Variants in GALNT17 observed in about 807,000 individuals in gnomAD.
GALNT17 encodes polypeptide N-acetylgalactosaminyltransferase 17.
In GALNT17, 29 loss-of-function variants were observed where a neutral mutation model predicts 63.7. The ratio of observed to expected loss-of-function variants is 0.46; its 90% CI spans 0.34 to 0.62. The LOEUF (loss-of-function observed/expected upper bound fraction) is 0.62, where lower values mean the gene tolerates loss of function less well. GALNT17 is among the 20% of genes least tolerant of loss of function. The pLI is 0.01. For missense variants in GALNT17, 603 were observed against 799.6 expected (o/e 0.75, Z 2.97); for synonymous variants, 305 against 318.3 (o/e 0.96, Z 0.45).
At chr7:71,225,184 G>T (rs1015809259) in intron 1 of GALNT17, among the ~76,000 whole-genome samples, 54 of 152,046 alleles carry the variant, frequency 3.6e-4, no homozygotes, top group Non-Finnish European at 4.0e-4. Flanking sequence ...GGCCAGGCTG[G>T]TCTTGAACTC....
intron 1 of GALNT17, among the ~76,000 whole-genome samples, chr7:71,193,445 C>T (rs993173617): frequency 1.4e-5 from 2 of 141,776 alleles, no homozygotes; most frequent in Non-Finnish European, 1.5e-5. Flanking sequence ...TACACTGATA[C>T]GCTTTTGTCT....
At chr7:71,172,778 A>G (rs1434385621) in intron 1 of GALNT17, among the ~76,000 whole-genome samples, 3 of 152,200 alleles carry the variant, frequency 2.0e-5, no homozygotes, top group Non-Finnish European at 4.4e-5. Flanking sequence ...TTCTTAATAA[A>G]TGAAGTAATC....
At position 71,416,645 on chromosome 7, in the gene GALNT17, A is replaced by G. The variant is rs1793531324; in HGVS notation, c.764+582A>G. 3.3e-5 allele frequency among the ~76,000 whole-genome samples: 5 copies of G among 152,188 alleles called. No individual in the cohort carries two copies. The South Asian group carries it at 8.3e-4, about 25-fold the overall frequency. On this transcript the variant is annotated intron_variant, in intron 4 of 10. Coordinates refer to ENST00000333538, the MANE Select transcript of GALNT17 (RefSeq NM_022479.3). ...AAGAAAAAAAGAAAACGGTGTATCA[A>G]TTAGATAAAACTCAACAGAATCCTT...
intron 2 of GALNT17, among the ~76,000 whole-genome samples, chr7:71,372,740 C>T (rs1308240609): frequency 6.6e-6 from 1 of 152,210 alleles, no homozygotes; most frequent in Non-Finnish European, 1.5e-5. Context: ...TAGATGTGAG[C>T]CACTGCCCCC....
intron 6 of GALNT17, among the ~76,000 whole-genome samples, chr7:71,654,169 C>A (rs1790793438): frequency 1.3e-5 from 2 of 152,128 alleles, no homozygotes; most frequent in African/African-American, 4.8e-5. Flanking sequence ...GCACCTGCCA[C>A]CACGCCCAGC....
chr7:71,268,773 A>G (rs1273615696), intron 1 of GALNT17, among the ~76,000 whole-genome samples: 1 of 151,902 alleles, frequency 6.6e-6, no homozygotes, highest in Admixed American at 6.6e-5. Context: ...CTGGACTTGG[A>G]GGAGCCTCGG....
At chr7:71,334,672 C>T (rs1208463580) in intron 1 of GALNT17, among the ~76,000 whole-genome samples, 1 of 152,208 alleles carries the variant, frequency 6.6e-6, no homozygotes, top group Admixed American at 6.5e-5. Flanking sequence ...CTTGCAATTG[C>T]TCAGTGAGGC....
At chr7:71,355,394 ATTT>A (rs1451571116) in intron 2 of GALNT17, among the ~76,000 whole-genome samples, 1 of 152,154 alleles carries the variant, frequency 6.6e-6, no homozygotes, top group Non-Finnish European at 1.5e-5. Flanking sequence ...CATTACCATT[ATTT>A]TTTAGAAATG....
chr7:71,506,258 TTTTA>T (rs1788267047), intron 5 of GALNT17, among the ~76,000 whole-genome samples: 1 of 144,386 alleles, frequency 6.9e-6, no homozygotes, highest in South Asian at 2.2e-4. Context: ...TTTTATTTTA[TTTTA>T]TTTTATTTTA....
chr7:71,150,628 AGCCTCCCGAGCAGCTGGGACTACAGGT>A (rs1314484562), intron 1 of GALNT17, among the ~76,000 whole-genome samples: 1 of 149,454 alleles, frequency 6.7e-6, no homozygotes, highest in Non-Finnish European at 1.5e-5. Context: ...CTCCTGCCTC[AGCCTCCCGAGCAGCTGGGACTACAGGT>A]GCCTGCCACC....
chr7:71,433,519 T>C (rs1296813763), intron 5 of GALNT17, among the ~76,000 whole-genome samples: 1 of 152,232 alleles, frequency 6.6e-6, no homozygotes, highest in African/African-American at 2.4e-5. Context: ...ATGTGGTCCG[T>C]GAATTCTTTC....
At chr7:71,562,097 A>T (rs946289697) in intron 5 of GALNT17, among the ~76,000 whole-genome samples, 1 of 152,122 alleles carries the variant, frequency 6.6e-6, no homozygotes, top group Non-Finnish European at 1.5e-5. Context: ...CTGGGAATAC[A>T]GGTGCGCACC....
chr7:71,239,136 A>C (rs1789947673), intron 1 of GALNT17, among the ~76,000 whole-genome samples: 1 of 152,108 alleles, frequency 6.6e-6, no homozygotes, highest in Admixed American at 6.5e-5. Flanking sequence ...CTATGCCCAA[A>C]TTTCCCACCC....
chr7:71,578,861 C>A (rs1223958246), intron 6 of GALNT17, among the ~76,000 whole-genome samples: 1 of 152,056 alleles, frequency 6.6e-6, no homozygotes, highest in Non-Finnish European at 1.5e-5. Context: ...CCATGTTAAC[C>A]AAGAGAGATT....
chr7:71,499,467 G>A (rs1788146609), intron 5 of GALNT17, among the ~76,000 whole-genome samples: 1 of 152,166 alleles, frequency 6.6e-6, no homozygotes, highest in South Asian at 2.1e-4. Context: ...TTGTAAGTGG[G>A]AGAGACTCAG....
intron 5 of GALNT17, among the ~76,000 whole-genome samples, chr7:71,536,369 G>C (rs1788802511): frequency 1.3e-5 from 2 of 152,200 alleles, no homozygotes; most frequent in Admixed American, 1.3e-4. Flanking sequence ...CAGCAAGGAA[G>C]ACAGGTCTTC....
At chr7:71,332,118 C>T (rs1037019462) in intron 1 of GALNT17, among the ~76,000 whole-genome samples, 1 of 152,148 alleles carries the variant, frequency 6.6e-6, no homozygotes, top group African/African-American at 2.4e-5. Context: ...CTATGATTGT[C>T]TTGAGTACTC....
At chr7:71,469,285 G>A (rs1057214249) in intron 5 of GALNT17, among the ~76,000 whole-genome samples, 3 of 152,182 alleles carry the variant, frequency 2.0e-5, no homozygotes, top group Non-Finnish European at 4.4e-5. Context: ...TGGCTCTGCT[G>A]TGTCACCGTG....
chr7:71,370,548 G>T (rs1450446626), intron 2 of GALNT17, among the ~76,000 whole-genome samples: 1 of 149,580 alleles, frequency 6.7e-6, no homozygotes, highest in Non-Finnish European at 1.5e-5. Context: ...ACAGTTGTGT[G>T]ATCTCGGCTC....
Sources: gnomAD v4.1 joint callset for allele counts (sites outside exome capture counted in the v4.1 genomes callset) on GRCh38, gnomAD v4.1.1 for gene constraint, MANE v1.5 for transcripts, NCBI Gene and HGNC (gene_info 2026-07-23, HGNC 2026-07-21) for gene names.